The following LMAN1 variants were observed in gnomAD, a reference collection of about 807,000 sequenced individuals.
The protein encoded by LMAN1 is lectin, mannose binding 1, also known as protein ERGIC-53.
In LMAN1, 32 loss-of-function variants were observed where a neutral mutation model predicts 67.8. The observed-to-expected ratio is 0.47, with a 90% CI of 0.36 to 0.63. The LOEUF (loss-of-function observed/expected upper bound fraction) is 0.63, where lower values mean the gene tolerates loss of function less well. Among genes scored for constraint, LMAN1 ranks in the 30% least tolerant of loss-of-function variants. The pLI is 0.00. For missense variants in LMAN1, 632 were observed against 628.2 expected, an observed-to-expected ratio of 1.01 and a Z score of -0.06; for synonymous variants, 235 against 219.3, an observed-to-expected ratio of 1.07 and a Z score of -0.63.
chr18:59,346,209 CTTTTTTTTTTT>C (rs370183077), intron 7 of LMAN1, among the ~76,000 whole-genome samples, 158 bp from the exon 8 acceptor site: 4 of 61,588 alleles, frequency 6.5e-5, no homozygotes, highest in Non-Finnish European at 9.8e-5. Flanking sequence ...GCAAATTACT[CTTTTTTTTTTT>C]TTTTTTTTTT....
chr18:59,339,650 T>C (rs12959735), intron 8 of LMAN1, among the ~76,000 whole-genome samples: 3 of 152,106 alleles, frequency 2.0e-5, no homozygotes, highest in Non-Finnish European at 4.4e-5. Context: ...CCACTGTTGA[T>C]AGCCTAGATA....
At chr18:59,347,463 TA>T in intron 7 of LMAN1, 49 bp downstream of exon 7, 1 of 1,379,790 alleles carries the variant, frequency 7.2e-7, no homozygotes, top group Non-Finnish European at 1.0e-6. Flanking sequence ...AACGTTCAGC[TA>T]AAAGGCAAAC....
Position 59,331,122 on chromosome 18 carries a change from G to A in LMAN1, c.1504C>T (p.Gln502Ter), listed in dbSNP as rs1213040699. Residue 502 changes from glutamine to a stop codon, truncating the protein, a stop_gained, in exon 13 of 13, where the codon CAA becomes TAA. Transcript: ENST00000251047. LOFTEE classifies it high-confidence loss of function. ...FIGYIMYRSQ[Q>*]EAAAKKFF ...AAGAATTTTTTGGCAGCTGCTTCTT[G>A]CTGAGACCTAATGAAAAAAAGAAAC... 6.2e-7 allele frequency: 1 copy of A among 1,611,474 alleles called. No homozygotes were observed. Among genetic ancestry groups the A allele is most frequent in the East Asian group, 2.2e-5 (1 of 44,758 alleles).
chr18:59,344,166 G>A (rs1908348989), intron 8 of LMAN1, among the ~76,000 whole-genome samples: 1 of 152,016 alleles, frequency 6.6e-6, no homozygotes, highest in South Asian at 2.1e-4. Flanking sequence ...ATGTGGAGAA[G>A]AGGGAATGCT....
At chr18:59,348,847 T>C (rs1363557391) in intron 6 of LMAN1, among the ~76,000 whole-genome samples, 1 of 152,234 alleles carries the variant, frequency 6.6e-6, no homozygotes, top group African/African-American at 2.4e-5. Context: ...ACTTTAAATA[T>C]GTCTCCTTCA....
In LMAN1 at chr18:59,359,111, C is replaced by A. The variant is rs758830181; in HGVS notation, c.134G>T (p.Arg45Leu). ...CTTGAAGCTGTATTTGTACTCGAAA[C>A]GGCGATGTGGCAACGCGACCGCGGG... is the stretch of plus-strand genomic sequence containing the variant. ...GDPAVALPHR[R>L]FEYKYSFKGP... The change falls in exon 1 of 13, where the codon CGT becomes CTT. Residue 45 changes from arginine (R) to leucine (L), a missense_variant. Coordinates refer to ENST00000251047, the MANE Select transcript of LMAN1 (RefSeq NM_005570.4). 6.2e-7 allele frequency: 1 copy of A among 1,614,100 alleles called. No individual in the cohort carries two copies. Among genetic ancestry groups the A allele is most frequent in the Non-Finnish European group, 8.5e-7 (1 of 1,179,980 alleles).
At chr18:59,341,744 G>A (rs759236084) in intron 8 of LMAN1, among the ~76,000 whole-genome samples, 4 of 151,902 alleles carry the variant, frequency 2.6e-5, no homozygotes, top group Non-Finnish European at 5.9e-5. Context: ...TGGAAAGATC[G>A]CAAACAATCT....
At chr18:59,334,342 A>C (rs1908095432) in intron 10 of LMAN1, among the ~76,000 whole-genome samples, 2 of 152,214 alleles carry the variant, frequency 1.3e-5, no homozygotes, top group Admixed American at 1.3e-4. Context: ...TAGGGATATA[A>C]ACTTTGCAAG....
intron 8 of LMAN1, among the ~76,000 whole-genome samples, chr18:59,343,596 A>G (rs1359680842): frequency 1.3e-5 from 2 of 152,116 alleles, no homozygotes; most frequent in African/African-American, 2.4e-5. Flanking sequence ...TTGAATAGCT[A>G]TATATAGAAG....
In LMAN1 at chr18:59,349,125, C is replaced by T. The variant is rs770370452; in HGVS notation, c.751G>A (p.Gly251Arg). Residue 251 changes from glycine to arginine, a missense_variant, in exon 6 of 13, where the codon GGA becomes AGA. Physicochemically the swap from Gly to Arg is moderately radical, Grantham distance 125 (BLOSUM62 -2). Coordinates refer to ENST00000251047, the MANE Select transcript of LMAN1 (RefSeq NM_005570.4). ...QGHFGISAAT[G>R]GLADDHDVLS... Reference sequence around the variant, plus strand: ...CTGCAAGATTTACCTGCAAGACCTCCAGTTGCAGCAGATATTCCAAAATGC... The same window carrying T: ...CTGCAAGATTTACCTGCAAGACCTCTAGTTGCAGCAGATATTCCAAAATGC... The T allele has an allele frequency of 1.2e-6, 2 of 1,614,060 alleles. No individual in the cohort carries two copies. The highest frequency in any genetic ancestry group is 1.7e-6 in the Non-Finnish European group (2 of 1,179,938).
chr18:59,354,309 A>G (rs753161277), intron 4 of LMAN1, among the ~76,000 whole-genome samples: 5 of 152,236 alleles, frequency 3.3e-5, no homozygotes, highest in African/African-American at 4.8e-5. Flanking sequence ...TTAAAAACAC[A>G]TACCATGGTT....
At position 59,353,272 on chromosome 18, in the gene LMAN1, C is replaced by G; in HGVS notation, c.569G>C (p.Cys190Ser). The G allele has an allele frequency of 1.2e-6, 2 of 1,614,086 alleles. No individual in the cohort carries two copies. The highest frequency in any genetic ancestry group is 1.7e-6 in the Non-Finnish European group (2 of 1,179,972). Reference protein sequence around the residue: ...NDGASQALASCQRDFRNKPYP... With the variant: ...NDGASQALASSQRDFRNKPYP... ...GGGTTTGTTGCGGAAGTCCCTCTGG[C>G]AACTTGCCAAAGCTTGACTAGCCCC... Residue 190 changes from cysteine (C) to serine (S), a missense_variant, in exon 5 of 13, where the codon TGC (cysteine) becomes TCC (serine). Transcript: ENST00000251047.
chr18:59,355,446 T>TA (rs750258296), intron 2 of LMAN1, 26 bp from the exon 3 acceptor site: 2 of 1,613,912 alleles, frequency 1.2e-6, no homozygotes, highest in Non-Finnish European at 1.7e-6. Context: ...AGGGAACAGT[T>TA]AGAGGCTAGT....
At chr18:59,346,146 C>A in intron 7 of LMAN1, 95 bp from the exon 8 acceptor site, 2 of 1,018,854 alleles carry the variant, frequency 2.0e-6, no homozygotes, top group East Asian at 2.4e-5. Flanking sequence ...AACTCTTCTA[C>A]CACTAGCGGA....
At chr18:59,332,852 C>A (rs932163376) in intron 11 of LMAN1, among the ~76,000 whole-genome samples, 3 of 151,984 alleles carry the variant, frequency 2.0e-5, no homozygotes, top group Non-Finnish European at 4.4e-5. Context: ...AATATTTTCA[C>A]GAAATGATAA....
chr18:59,347,075 C>T lies in LMAN1; in HGVS notation c.822+438G>A, dbSNP rs1416568990. On this transcript the variant is annotated intron_variant, in intron 7 of 12. Coordinates refer to ENST00000251047, the MANE Select transcript of LMAN1 (RefSeq NM_005570.4). ...GAAACCCCGTCTCTAGCAAAAAATA[C>T]AAGAAATTAGCCGGGTGTGGTGGCG... Among the ~76,000 whole-genome samples the T allele has an allele frequency of 2.6e-5, 4 of 151,798 alleles. No homozygotes were observed. The East Asian group carries it at 6.0e-4, about 23-fold the overall frequency.
chr18:59,346,695 A>G (rs1203000403), intron 7 of LMAN1, among the ~76,000 whole-genome samples: 1 of 147,258 alleles, frequency 6.8e-6, no homozygotes, highest in Non-Finnish European at 1.5e-5. Flanking sequence ...TATTTTTTGT[A>G]TTTTTGTAGA....
chr18:59,333,608 A>G (rs1396663591), intron 10 of LMAN1: 1 of 226,432 alleles, frequency 4.4e-6, no homozygotes, highest in Non-Finnish European at 8.8e-6. Context: ...GCCAAACGCA[A>G]TCATTTCCTA....
Position 59,330,051 on chromosome 18 carries a change from A to G in LMAN1, c.*1042T>C, listed in dbSNP as rs1356358773. The G allele has an allele frequency of 1.3e-5, 2 of 152,338 alleles. No homozygotes were observed. Among genetic ancestry groups the G allele is most frequent in the Non-Finnish European group, 2.9e-5 (2 of 68,016 alleles). 9.4% of individuals were successfully genotyped at this position (152,338 alleles called of 1,614,324 possible). ...TCACAATGTCCTTAGTTCTGGCACT[A>G]AAAGGAAACAATTAGAAGTATTCAC... On this transcript the variant is annotated 3_prime_UTR_variant, in exon 13 of 13. Transcript: ENST00000251047.
Sources: allele counts gnomAD v4.1 joint callset (sites outside exome capture counted in the v4.1 genomes callset), GRCh38; gene constraint gnomAD v4.1.1; transcripts MANE v1.5; gene names NCBI Gene and HGNC (gene_info 2026-07-23, HGNC 2026-07-21).